The following PDE3A variants were observed in gnomAD, a reference collection of about 807,000 sequenced individuals.
PDE3A encodes cGMP-inhibited 3',5'-cyclic phosphodiesterase 3A.
A neutral mutation model predicts 98.3 loss-of-function variants in PDE3A; 43 were observed. The ratio of observed to expected loss-of-function variants is 0.44; its 90% confidence interval spans 0.34 to 0.56. PDE3A has a LOEUF of 0.56. Among genes scored for constraint, PDE3A ranks in the 20% least tolerant of loss-of-function variants. The pLI, the probability that PDE3A is intolerant of heterozygous loss-of-function variation, is 0.01. For missense variants in PDE3A, 1,427 were observed against 1,440.7 expected, an observed-to-expected ratio of 0.99 and a Z score of 0.15; for synonymous variants, 663 against 567.9, an observed-to-expected ratio of 1.17 and a Z score of -2.38.
intron 2 of PDE3A, among the ~76,000 whole-genome samples, chr12:20,578,454 T>G (rs561127652): frequency 5.1e-4 from 72 of 140,858 alleles, no homozygotes; most frequent in Non-Finnish European, 7.5e-4. Context: ...AAGTGTCACG[T>G]TCTGGAGTAA....
At chr12:20,479,846 T>C (rs1945592995) in intron 1 of PDE3A, among the ~76,000 whole-genome samples, 2 of 152,198 alleles carry the variant, frequency 1.3e-5, no homozygotes, top group Admixed American at 6.5e-5. Flanking sequence ...AACAAAGTCT[T>C]AAATTGATTT....
intron 1 of PDE3A, among the ~76,000 whole-genome samples, chr12:20,417,198 T>G (rs1018823122): frequency 1.3e-5 from 2 of 152,194 alleles, no homozygotes; most frequent in African/African-American, 4.8e-5. Flanking sequence ...TATGTGACAT[T>G]ATGTGGCATG....
intron 1 of PDE3A, among the ~76,000 whole-genome samples, chr12:20,445,282 T>C (rs1430313997): frequency 6.6e-6 from 1 of 152,184 alleles, no homozygotes; most frequent in Non-Finnish European, 1.5e-5. Flanking sequence ...TGCTTTGTCC[T>C]GGAAAGATTT....
At chr12:20,526,884 C>CTGTGTGTGTG (rs71039949) in intron 1 of PDE3A, among the ~76,000 whole-genome samples, 24 of 136,932 alleles carry the variant, frequency 1.8e-4, no homozygotes, top group South Asian at 5.1e-4. Flanking sequence ...ACATTTTTTT[C>CTGTGTGTGTG]TGTGTGTGTG....
chr12:20,551,564 C>G, intron 1 of PDE3A: 1 of 1,500,822 alleles, frequency 6.7e-7, no homozygotes, highest in Non-Finnish European at 9.0e-7. Context: ...TACGCGACCC[C>G]CGAGCGGGTC....
intron 15 of PDE3A, among the ~76,000 whole-genome samples, chr12:20,675,695 CGTT>C (rs1335236217): frequency 2.6e-5 from 4 of 152,116 alleles, no homozygotes; most frequent in African/African-American, 9.7e-5. Flanking sequence ...GAATTGATCT[CGTT>C]GTCATTATAT....
At chr12:20,514,188 T>C (rs1192320666) in intron 1 of PDE3A, among the ~76,000 whole-genome samples, 1 of 152,256 alleles carries the variant, frequency 6.6e-6, no homozygotes. Flanking sequence ...TTGCAAGGCA[T>C]AATCAAATAA....
intron 1 of PDE3A, among the ~76,000 whole-genome samples, chr12:20,504,031 G>A (rs7134968): frequency 0.25 from 38,672 of 152,006 alleles, 5,220 homozygotes; most frequent in African/African-American, 0.32. Flanking sequence ...AGGACTTCAC[G>A]TTGCATTCAT....
chr12:20,664,385 A>G (rs1009947098), intron 15 of PDE3A, among the ~76,000 whole-genome samples: 2 of 152,162 alleles, frequency 1.3e-5, no homozygotes, highest in Non-Finnish European at 2.9e-5. Flanking sequence ...TTGGAAAAGA[A>G]CAGACCTCTC....
intron 1 of PDE3A, among the ~76,000 whole-genome samples, chr12:20,399,804 A>C (rs1454655988): frequency 2.0e-5 from 3 of 152,206 alleles, no homozygotes; most frequent in Non-Finnish European, 1.5e-5. Context: ...AATATTCTGA[A>C]TTCAAAATTC....
Position 20,537,257 on chromosome 12 carries a change from T to C in PDE3A, c.961-19403T>C, listed in dbSNP as rs184992158. 8.5e-5 allele frequency among the ~76,000 whole-genome samples: 13 copies of C among 152,222 alleles called. No individual in the cohort carries two copies. The East Asian group carries it at 2.3e-3, about 27-fold the overall frequency. ...ATTTTTCAGTTAGATTATTTTCTTTTCATTATTGAAGTTTAAGAGTTCTGT... is the reference window on the plus strand; with the variant it reads ...ATTTTTCAGTTAGATTATTTTCTTTCCATTATTGAAGTTTAAGAGTTCTGT... On this transcript the variant is annotated intron_variant, in intron 1 of 15. Transcript: ENST00000359062.
intron 1 of PDE3A, among the ~76,000 whole-genome samples, chr12:20,404,283 A>G (rs77922266): frequency 0.026 from 3,984 of 152,124 alleles, 84 homozygotes; most frequent in Admixed American, 0.06. Flanking sequence ...GGGATATATT[A>G]TTATTTTTTC....
intron 1 of PDE3A, among the ~76,000 whole-genome samples, chr12:20,394,772 C>T (rs1437076831): frequency 1.3e-5 from 2 of 151,998 alleles, no homozygotes; most frequent in East Asian, 3.9e-4. Flanking sequence ...TGATTGTCAA[C>T]TGGGCCAAAT....
In PDE3A at chr12:20,510,879, A is replaced by G. The variant is rs1051089351; in HGVS notation, c.961-45781A>G. On this transcript the variant is annotated intron_variant, in intron 1 of 15. Coordinates refer to ENST00000359062, the MANE Select transcript of PDE3A (RefSeq NM_000921.5). The stretch of plus-strand genomic sequence containing the variant: ...TATTTATATGTCTTCTCCTTCATTC[A>G]TTTGCTCAAAAAAACACTTATTGAA... Among the ~76,000 whole-genome samples the G allele has an allele frequency of 2.6e-5, 4 of 152,068 alleles. No homozygotes were observed. The South Asian group carries it at 6.2e-4, about 24-fold the overall frequency.
chr12:20,373,901 A>G (rs1413545986), intron 1 of PDE3A, among the ~76,000 whole-genome samples: 2 of 152,142 alleles, frequency 1.3e-5, no homozygotes, highest in Non-Finnish European at 2.9e-5. Context: ...AGGCATTGTT[A>G]TTCTTTGACA....
intron 15 of PDE3A, among the ~76,000 whole-genome samples, chr12:20,674,518 TG>T (rs1247447121): frequency 6.6e-6 from 1 of 152,202 alleles, no homozygotes; most frequent in Non-Finnish European, 1.5e-5. Flanking sequence ...TTTTATCAAA[TG>T]CTTTTTCTGC....
At chr12:20,438,118 TC>T (rs1392533308) in intron 1 of PDE3A, among the ~76,000 whole-genome samples, 1 of 152,174 alleles carries the variant, frequency 6.6e-6, no homozygotes, top group Non-Finnish European at 1.5e-5. Context: ...CGAGAAGTCT[TC>T]CTATTCTTGG....
At chr12:20,534,163 T>A (rs998732190) in intron 1 of PDE3A, among the ~76,000 whole-genome samples, 3 of 152,176 alleles carry the variant, frequency 2.0e-5, no homozygotes, top group Non-Finnish European at 2.9e-5. Context: ...TGATATTTAT[T>A]ATATTGTAAT....
chr12:20,462,815 G>A (rs933161505), intron 1 of PDE3A, among the ~76,000 whole-genome samples: 7 of 151,362 alleles, frequency 4.6e-5, no homozygotes, highest in Non-Finnish European at 7.4e-5. Context: ...TTATGAGTCA[G>A]CATCTCACTC....
Sources: gnomAD v4.1 joint callset for allele counts (sites outside exome capture counted in the v4.1 genomes callset) on GRCh38, gnomAD v4.1.1 for gene constraint, MANE v1.5 for transcripts, NCBI Gene and HGNC (gene_info 2026-07-23, HGNC 2026-07-21) for gene names.